TNR: variants seen among roughly 807,000 people sequenced by gnomAD.
The protein encoded by TNR is tenascin R.
Under a neutral mutation model 150.4 loss-of-function variants are expected in TNR, and 45 were observed. The observed-to-expected ratio is 0.30, with a 90% CI of 0.24 to 0.38. TNR has a LOEUF of 0.38. Among genes scored for constraint, TNR ranks in the 10% least tolerant of loss-of-function variants. TNR has a pLI of 1.00. For synonymous variants in TNR, 687 were observed against 678.4 expected (o/e 1.01, Z -0.20); for missense variants, 1,544 against 1,759.1 (o/e 0.88, Z 2.19).
intron 1 of TNR, among the ~76,000 whole-genome samples, chr1:175,625,214 A>G (rs1664110577): frequency 6.6e-6 from 1 of 152,208 alleles, no homozygotes; most frequent in African/African-American, 2.4e-5. Flanking sequence ...CTTTCTTTTC[A>G]AATAACCCTC....
chr1:175,596,668 C>A (rs1663019855), intron 1 of TNR, among the ~76,000 whole-genome samples: 1 of 152,182 alleles, frequency 6.6e-6, no homozygotes. Flanking sequence ...AGCCTCCGTT[C>A]AGCAACACTT....
intron 1 of TNR, among the ~76,000 whole-genome samples, chr1:175,698,615 T>A (rs1004859678): frequency 6.6e-6 from 1 of 151,150 alleles, no homozygotes. Context: ...AAGAGGCGGG[T>A]GGATGGCCTG....
At chr1:175,699,559 G>T (rs960516714) in intron 1 of TNR, among the ~76,000 whole-genome samples, 1 of 152,142 alleles carries the variant, frequency 6.6e-6, no homozygotes, top group African/African-American at 2.4e-5. Context: ...GGGCTAAGCA[G>T]GCTAAGGAGG....
intron 1 of TNR, among the ~76,000 whole-genome samples, chr1:175,701,842 G>A (rs1232218442): frequency 6.6e-6 from 1 of 152,146 alleles, no homozygotes; most frequent in Non-Finnish European, 1.5e-5. Flanking sequence ...ATGTGCATTT[G>A]AACAGGATCC....
intron 1 of TNR, among the ~76,000 whole-genome samples, chr1:175,636,732 A>C (rs1664502032): frequency 6.6e-6 from 1 of 152,190 alleles, no homozygotes; most frequent in Admixed American, 6.5e-5. Context: ...GAGTCTTGAC[A>C]GAGGTGGTCT....
At chr1:175,397,837 A>T (rs1653504459) in intron 4 of TNR, among the ~76,000 whole-genome samples, 1 of 152,252 alleles carries the variant, frequency 6.6e-6, no homozygotes, top group Non-Finnish European at 1.5e-5. Context: ...GAAAATGAAG[A>T]TTCACCAGTG....
At chr1:175,422,940 C>T (rs1654820141) in intron 2 of TNR, among the ~76,000 whole-genome samples, 1 of 152,154 alleles carries the variant, frequency 6.6e-6, no homozygotes, top group Non-Finnish European at 1.5e-5. Context: ...CAGGGGTCTC[C>T]ATCAGGGAGA....
At chr1:175,640,600 G>A (rs908750119) in intron 1 of TNR, among the ~76,000 whole-genome samples, 1 of 152,090 alleles carries the variant, frequency 6.6e-6, no homozygotes, top group Non-Finnish European at 1.5e-5. Flanking sequence ...AGGACCCAGG[G>A]TAAGGTTTCT....
intron 1 of TNR, among the ~76,000 whole-genome samples, chr1:175,595,811 T>C (rs1662983405): frequency 6.6e-6 from 1 of 152,226 alleles, no homozygotes; most frequent in Non-Finnish European, 1.5e-5. Context: ...GTTTAATGAA[T>C]GCTCATGATT....
intron 1 of TNR, among the ~76,000 whole-genome samples, chr1:175,657,850 CATGTATATATATATAT>C (rs1261026372): frequency 1.5e-5 from 1 of 65,146 alleles, no homozygotes; most frequent in Non-Finnish European, 2.8e-5. Flanking sequence ...CAACATGGAA[CATGTATATATATATAT>C]ATATATATAT....
Position 175,317,722 on chromosome 1 carries a change from A to C in TNR, c.*5635T>G, listed in dbSNP as rs1648882896. The C allele has an allele frequency of 6.6e-6, 1 of 152,190 alleles. No homozygotes were observed. The highest frequency in any genetic ancestry group is 1.9e-4 in the East Asian group (1 of 5,204). 9.4% of individuals were successfully genotyped at this position (152,190 alleles called of 1,614,324 possible). On this transcript the variant is annotated 3_prime_UTR_variant, in exon 23 of 23. Coordinates refer to ENST00000367674, the MANE Select transcript of TNR (RefSeq NM_003285.3). ...CTGGCCTCATAAGGATAATAGAGTT[A>C]AATGTTTTTGAACTGGAACTTTAGC...
At chr1:175,602,148 A>G (rs1051086847) in intron 1 of TNR, among the ~76,000 whole-genome samples, 9 of 150,802 alleles carry the variant, frequency 6.0e-5, no homozygotes, top group African/African-American at 2.2e-4. Flanking sequence ...GGCTCCTGCC[A>G]AGACAATGTA....
chr1:175,644,191 T>C (rs16848901), intron 1 of TNR, among the ~76,000 whole-genome samples: 4,957 of 152,280 alleles, frequency 0.033, 178 homozygotes, highest in African/African-American at 0.085. Context: ...CAGTAAACAA[T>C]TTATGAAAAT....
At chr1:175,504,591 T>G (rs1658874341) in intron 2 of TNR, among the ~76,000 whole-genome samples, 1 of 152,134 alleles carries the variant, frequency 6.6e-6, no homozygotes, top group Non-Finnish European at 1.5e-5. Context: ...GGAGAGCACC[T>G]CCTGCCCTGT....
intron 2 of TNR, among the ~76,000 whole-genome samples, chr1:175,441,664 G>A (rs1257665253): frequency 6.6e-6 from 1 of 152,114 alleles, no homozygotes; most frequent in Non-Finnish European, 1.5e-5. Flanking sequence ...GGGGGGTCTA[G>A]GTGGCCCCTC....
At chr1:175,514,750 A>G (rs1033443907) in intron 2 of TNR, among the ~76,000 whole-genome samples, 2 of 152,232 alleles carry the variant, frequency 1.3e-5, no homozygotes, top group African/African-American at 4.8e-5. Flanking sequence ...TTAAAAACTC[A>G]GACCTGATTA....
At chr1:175,627,939 C>T (rs1208273040) in intron 1 of TNR, among the ~76,000 whole-genome samples, 1 of 152,202 alleles carries the variant, frequency 6.6e-6, no homozygotes, top group African/African-American at 2.4e-5. Flanking sequence ...GCAGTCTCAG[C>T]TGCCCCAATC....
At chr1:175,490,570 G>A (rs1291763991) in intron 2 of TNR, among the ~76,000 whole-genome samples, 2 of 152,186 alleles carry the variant, frequency 1.3e-5, no homozygotes, top group African/African-American at 4.8e-5. Flanking sequence ...GACATGAACA[G>A]ACACTTCTCA....
chr1:175,383,715 C>T (rs1376577466), intron 8 of TNR, among the ~76,000 whole-genome samples: 2 of 152,142 alleles, frequency 1.3e-5, no homozygotes, highest in Admixed American at 1.3e-4. Flanking sequence ...TGAATTTAAG[C>T]GGAGCTCTGA....
Sources: allele counts gnomAD v4.1 joint callset (sites outside exome capture counted in the v4.1 genomes callset), GRCh38; gene constraint gnomAD v4.1.1; transcripts MANE v1.5; gene names NCBI Gene and HGNC (gene_info 2026-07-23, HGNC 2026-07-21).